Variants in AKAP19 observed in about 807,000 individuals in gnomAD.
The protein encoded by AKAP19 is small A-kinase anchoring protein.
the AKAP19 span, among the ~76,000 whole-genome samples, chr2:189,925,692 G>A: frequency 2.0e-5 from 3 of 152,014 alleles, no homozygotes; most frequent in Non-Finnish European, 4.4e-5. Flanking sequence ...GAGATGAGAC[G>A]CCCTAACCCA....
the AKAP19 span, among the ~76,000 whole-genome samples, chr2:190,094,655 C>G: frequency 0.023 from 3,558 of 152,208 alleles, 155 homozygotes; most frequent in African/African-American, 0.081. Context: ...GTTTTCCTGC[C>G]GGCAAAGTCT....
chr2:189,941,503 TTTG>T, the AKAP19 span, among the ~76,000 whole-genome samples: 2 of 152,224 alleles, frequency 1.3e-5, no homozygotes, highest in African/African-American at 4.8e-5. Context: ...ACGTAAAGTT[TTTG>T]TTTTGTTTTT....
chr2:190,086,858 G>A, the AKAP19 span, among the ~76,000 whole-genome samples: 2 of 152,158 alleles, frequency 1.3e-5, no homozygotes, highest in Non-Finnish European at 2.9e-5. Context: ...TTGTCCCAGC[G>A]AATACAGTAA....
chr2:190,058,907 T>C, the AKAP19 span, among the ~76,000 whole-genome samples: 1 of 151,810 alleles, frequency 6.6e-6, no homozygotes, highest in Non-Finnish European at 1.5e-5. Flanking sequence ...ATGGGTGCAC[T>C]AAAACCTCAG....
chr2:190,156,526 T>G, the AKAP19 span, among the ~76,000 whole-genome samples: 1 of 152,130 alleles, frequency 6.6e-6, no homozygotes, highest in African/African-American at 2.4e-5. Context: ...ATTATTTATT[T>G]GAAACACATG....
chr2:190,062,550 A>G, the AKAP19 span: 85 of 1,613,158 alleles, frequency 5.3e-5, no homozygotes, highest in Non-Finnish European at 1.7e-5. Context: ...ACCAGCAACA[A>G]TCAGCATAAA....
At chr2:190,104,357 GC>G in the AKAP19 span, among the ~76,000 whole-genome samples, 1 of 152,108 alleles carries the variant, frequency 6.6e-6, no homozygotes, top group Non-Finnish European at 1.5e-5. Flanking sequence ...AAACCAAAGA[GC>G]TTCTATAGAG....
the AKAP19 span, among the ~76,000 whole-genome samples, chr2:189,926,179 A>G: frequency 6.6e-6 from 1 of 152,246 alleles, no homozygotes; most frequent in Admixed American, 6.5e-5. Context: ...GGATGAACCC[A>G]CTAAATCTCA....
At chr2:189,898,636 A>T in the AKAP19 span, among the ~76,000 whole-genome samples, 18 of 152,214 alleles carry the variant, frequency 1.2e-4, no homozygotes, top group Admixed American at 2.0e-4. Flanking sequence ...CAAGTTGGGA[A>T]CATGGGAACC....
the AKAP19 span, among the ~76,000 whole-genome samples, chr2:190,177,670 A>T: frequency 6.6e-6 from 1 of 152,224 alleles, no homozygotes; most frequent in Non-Finnish European, 1.5e-5. The surrounding 1 kb of genome is among the most constrained non-coding windows in gnomAD (Gnocchi z 4.6). Flanking sequence ...GGCGGGAGTC[A>T]GCTATGTACC....
At chr2:190,190,871 T>C in the AKAP19 span, among the ~76,000 whole-genome samples, 1 of 152,290 alleles carries the variant, frequency 6.6e-6, no homozygotes, top group South Asian at 2.1e-4. Context: ...ACCACCACAA[T>C]CGGGATAAAG....
chr2:190,020,831 A>G, the AKAP19 span, among the ~76,000 whole-genome samples: 2 of 152,072 alleles, frequency 1.3e-5, no homozygotes, highest in East Asian at 1.9e-4. Context: ...TACTAATTCT[A>G]TCTTTATGAA....
chr2:189,971,875 G>T, the AKAP19 span, among the ~76,000 whole-genome samples: 3 of 151,624 alleles, frequency 2.0e-5, no homozygotes, highest in Admixed American at 6.6e-5. Flanking sequence ...GTAGATTCTG[G>T]ATATTAGCCC....
At chr2:189,975,524 G>T in the AKAP19 span, among the ~76,000 whole-genome samples, 1 of 152,112 alleles carries the variant, frequency 6.6e-6, no homozygotes, top group Non-Finnish European at 1.5e-5. Context: ...TTGAATGTTG[G>T]CCTGCCTTAC....
chr2:190,023,794 TG>T, the AKAP19 span, among the ~76,000 whole-genome samples: 1 of 49,500 alleles, frequency 2.0e-5, no homozygotes, highest in Non-Finnish European at 5.6e-5. Flanking sequence ...AATGTGTGTG[TG>T]TATATATATA....
the AKAP19 span, among the ~76,000 whole-genome samples, chr2:189,987,235 G>T: frequency 2.0e-5 from 3 of 152,120 alleles, no homozygotes; most frequent in Non-Finnish European, 4.4e-5. Context: ...TTTATGAGGG[G>T]GTTTCTGCTT....
At chr2:190,026,541 C>T in the AKAP19 span, among the ~76,000 whole-genome samples, 1 of 152,168 alleles carries the variant, frequency 6.6e-6, no homozygotes, top group Non-Finnish European at 1.5e-5. Flanking sequence ...CTCCTATTGT[C>T]CTTATAAGAG....
the AKAP19 span, among the ~76,000 whole-genome samples, chr2:189,887,265 G>C: frequency 6.6e-6 from 1 of 152,192 alleles, no homozygotes; most frequent in Non-Finnish European, 1.5e-5. Flanking sequence ...TGCTGAGAGT[G>C]ATGGTTTCCA....
the AKAP19 span, among the ~76,000 whole-genome samples, chr2:190,084,921 T>C: frequency 6.6e-6 from 1 of 152,226 alleles, no homozygotes; most frequent in Admixed American, 6.5e-5. Context: ...ATGCATATAG[T>C]GCATTGAAAA....
Sources: allele counts gnomAD v4.1 joint callset (sites outside exome capture counted in the v4.1 genomes callset), GRCh38; gene constraint gnomAD v4.1.1; non-coding constraint Gnocchi (gnomAD v3.1); transcripts MANE v1.5; gene names NCBI Gene and HGNC (gene_info 2026-07-23, HGNC 2026-07-21).